CCDC138: variants seen among roughly 807,000 people sequenced by gnomAD.
The protein encoded by CCDC138 is coiled-coil domain containing 138, also known as coiled-coil domain-containing protein 138.
In CCDC138, 66 loss-of-function variants were observed where a neutral mutation model predicts 82.3. The ratio of observed to expected loss-of-function variants is 0.80; its 90% CI spans 0.66 to 0.98. The LOEUF (loss-of-function observed/expected upper bound fraction) is 0.98, where lower values mean the gene tolerates loss of function less well. Ranked by LOEUF, CCDC138 falls within the 50% of genes least tolerant of loss-of-function variation. CCDC138 has a pLI of 0.00. For missense variants in CCDC138, 816 were observed against 758.9 expected, an observed-to-expected ratio of 1.08 and a Z score of -0.88; for synonymous variants, 297 against 265.4, an observed-to-expected ratio of 1.12 and a Z score of -1.16.
At chr2:108,799,551 A>T (rs1681548812) in intron 6 of CCDC138, among the ~76,000 whole-genome samples, 1 of 152,120 alleles carries the variant, frequency 6.6e-6, no homozygotes, top group East Asian at 1.9e-4. Context: ...GCATCATTTT[A>T]TGATTTTTCT....
At chr2:108,823,792 C>T (rs114465526) in intron 10 of CCDC138, among the ~76,000 whole-genome samples, 83 of 152,178 alleles carry the variant, frequency 5.5e-4, no homozygotes, top group African/African-American at 2.0e-3. Flanking sequence ...CCAGCCTGGC[C>T]AATGTGAAAC....
downstream of CCDC138, among the ~76,000 whole-genome samples, chr2:108,878,137 CAT>C (rs1370311841): frequency 6.6e-6 from 1 of 152,200 alleles, no homozygotes; most frequent in Non-Finnish European, 1.5e-5. Flanking sequence ...AAATCAACCT[CAT>C]ATCAAAAGCA....
chr2:108,847,160 A>G (rs10202417), intron 12 of CCDC138, among the ~76,000 whole-genome samples: 3,551 of 152,300 alleles, frequency 0.023, 110 homozygotes, highest in African/African-American at 0.067. Flanking sequence ...CTTAGGTCAT[A>G]TTCCCATAAC....
At chr2:108,790,132 C>A (rs1679663100) in intron 3 of CCDC138, among the ~76,000 whole-genome samples, 1 of 151,926 alleles carries the variant, frequency 6.6e-6, no homozygotes. Context: ...ATAATAAGTA[C>A]TCAAATGTTA....
rs150999964 is a variant in CCDC138 at position 108,867,800 on chromosome 2, G to A, written c.1694-5651G>A. 3.0e-4 allele frequency among the ~76,000 whole-genome samples: 46 copies of A among 152,240 alleles called. No homozygotes were observed. In the East Asian group the frequency reaches 8.1e-3, roughly 27 times the overall value. The stretch of plus-strand genomic sequence containing the variant: ...TTTGGTTGGTATTGAATGTTGCTGT[G>A]TTATGTTCCAGCCTTTGAGTCATCA... On this transcript the variant is annotated intron_variant, in intron 13 of 14. Transcript: ENST00000295124.
At chr2:108,868,542 T>A (rs1409055327) in intron 13 of CCDC138, among the ~76,000 whole-genome samples, 1 of 152,148 alleles carries the variant, frequency 6.6e-6, no homozygotes, top group Non-Finnish European at 1.5e-5. Flanking sequence ...TTCTGGAGAC[T>A]GTAACACCTA....
intron 13 of CCDC138, among the ~76,000 whole-genome samples, chr2:108,866,550 T>C (rs935398427): frequency 1.3e-5 from 2 of 152,188 alleles, no homozygotes; most frequent in East Asian, 3.9e-4. Flanking sequence ...CACTTCCTTA[T>C]GTTTTACAGT....
At chr2:108,825,301 G>A (rs971633901) in intron 10 of CCDC138, among the ~76,000 whole-genome samples, 2 of 151,846 alleles carry the variant, frequency 1.3e-5, no homozygotes, top group Non-Finnish European at 2.9e-5. Flanking sequence ...TTTGGTAACA[G>A]CTTTATTGAG....
chr2:108,858,710 T>TA (rs1693051617), intron 13 of CCDC138, among the ~76,000 whole-genome samples: 1 of 152,116 alleles, frequency 6.6e-6, no homozygotes, highest in Admixed American at 6.5e-5. Context: ...CTTTTTTTTT[T>TA]TAATTTTAGA....
chr2:108,856,885 A>G lies in CCDC138; in HGVS notation c.1608A>G (p.Pro536=). Residue 536 remains proline, a synonymous_variant, in exon 13 of 15, where the codon CCA becomes CCG. Coordinates refer to ENST00000295124, the MANE Select transcript of CCDC138 (RefSeq NM_144978.3). ...KTLFLEYQAV[P]VILSHLRISS... ...TGTTTTTGGAGTATCAGGCTGTTCC[A>G]GTAATATTAAGTCATCTAAGAATAT... The G allele has an allele frequency of 1.2e-6, 2 of 1,613,248 alleles. No individual in the cohort carries two copies. The highest frequency in any genetic ancestry group is 1.7e-6 in the Non-Finnish European group (2 of 1,179,484).
chr2:108,807,869 G>A (rs986288608), intron 7 of CCDC138, among the ~76,000 whole-genome samples: 16 of 152,104 alleles, frequency 1.1e-4, no homozygotes, highest in Admixed American at 1.0e-3. Context: ...TCGGCCTCCC[G>A]AAGTGCTCGG....
At chr2:108,845,352 G>T (rs1690254940) in intron 11 of CCDC138, among the ~76,000 whole-genome samples, 1 of 152,006 alleles carries the variant, frequency 6.6e-6, no homozygotes, top group Admixed American at 6.6e-5. Flanking sequence ...AATTTTAGAT[G>T]CAGAAATTTA....
intron 13 of CCDC138, among the ~76,000 whole-genome samples, chr2:108,867,490 A>G (rs1694599518): frequency 6.6e-6 from 1 of 152,196 alleles, no homozygotes; most frequent in African/African-American, 2.4e-5. Flanking sequence ...AATATGGATT[A>G]CCCTGCTCCA....
At chr2:108,880,709 C>T (rs1279350225), downstream of CCDC138, among the ~76,000 whole-genome samples, 2 of 152,122 alleles carry the variant, frequency 1.3e-5, no homozygotes, top group Non-Finnish European at 2.9e-5. Context: ...AGCATCATTT[C>T]CTGAATACTT....
At chr2:108,808,804 CATT>C (rs931734944) in intron 7 of CCDC138, among the ~76,000 whole-genome samples, 2 of 152,004 alleles carry the variant, frequency 1.3e-5, no homozygotes, top group African/African-American at 4.8e-5. Flanking sequence ...CAGGTTGTAT[CATT>C]ATTCTTTTTA....
chr2:108,857,066 CTTTTTTTTT>C (rs35540493), intron 13 of CCDC138, 96 bp downstream of exon 13: 27 of 44,064 alleles, frequency 6.1e-4, no homozygotes, highest in Non-Finnish European at 6.7e-4. Context: ...GATACTATTG[CTTTTTTTTT>C]TTTTTTTTTT....
intron 10 of CCDC138, among the ~76,000 whole-genome samples, chr2:108,831,459 C>T (rs1359612540): frequency 3.3e-5 from 5 of 151,926 alleles, no homozygotes; most frequent in Non-Finnish European, 5.9e-5. Flanking sequence ...TAAATACTGT[C>T]GGAAGAGGCT....
chr2:108,863,573 C>G (rs573663357), intron 13 of CCDC138, among the ~76,000 whole-genome samples: 1 of 152,264 alleles, frequency 6.6e-6, no homozygotes, highest in South Asian at 2.1e-4. Flanking sequence ...TGTAGTAAAA[C>G]TCCTAGATCT....
chr2:108,812,237 C>T (rs1201897933), intron 7 of CCDC138, among the ~76,000 whole-genome samples: 1 of 152,082 alleles, frequency 6.6e-6, no homozygotes, highest in Non-Finnish European at 1.5e-5. Flanking sequence ...AGTATATACA[C>T]AGACACATAT....
Sources: gnomAD v4.1 joint callset for allele counts (sites outside exome capture counted in the v4.1 genomes callset) on GRCh38, gnomAD v4.1.1 for gene constraint, MANE v1.5 for transcripts, NCBI Gene and HGNC (gene_info 2026-07-23, HGNC 2026-07-21) for gene names.